Variants in RAB11FIP4 observed in about 807,000 individuals in gnomAD.
RAB11FIP4 encodes the protein rab11 family-interacting protein 4.
A neutral mutation model predicts 74.3 loss-of-function variants in RAB11FIP4; 23 were observed. The observed-to-expected ratio is 0.31, with a 90% CI of 0.22 to 0.44. RAB11FIP4 has a LOEUF of 0.44. Among genes scored for constraint, RAB11FIP4 ranks in the 20% least tolerant of loss-of-function variants. RAB11FIP4 has a pLI of 1.00. For synonymous variants in RAB11FIP4, 360 were observed against 359.9 expected, an observed-to-expected ratio of 1.00 and a Z score of 0.00; for missense variants, 630 against 863.9, an observed-to-expected ratio of 0.73 and a Z score of 3.39.
intron 3 of RAB11FIP4, among the ~76,000 whole-genome samples, chr17:31,505,683 A>G (rs1359975788): frequency 1.5e-5 from 1 of 68,362 alleles, no homozygotes; most frequent in Non-Finnish European, 2.8e-5. Context: ...TAATTATTAT[A>G]ATATATAATA....
chr17:31,497,784 G>A (rs1278966030), intron 3 of RAB11FIP4, among the ~76,000 whole-genome samples: 1 of 152,154 alleles, frequency 6.6e-6, no homozygotes, highest in African/African-American at 2.4e-5. Context: ...GTGCGCTGCT[G>A]GCTAGAGGGA....
Position 31,517,823 on chromosome 17 carries a change from G to A in RAB11FIP4, c.509G>A (p.Gly170Glu). 6.4e-7 allele frequency: 1 copy of A among 1,552,294 alleles called. No homozygotes were observed. The highest frequency in any genetic ancestry group is 8.7e-7 in the Non-Finnish European group (1 of 1,147,342). The change falls in exon 4 of 15, where the codon GGG (glycine) becomes GAG (glutamate). Residue 170 changes from glycine (G) to glutamate (E), a missense_variant. Transcript: ENST00000621161. Reference protein sequence around the residue: ...ESTQSLEGSVGSPAEKDGGLG... With the variant: ...ESTQSLEGSVESPAEKDGGLG... ...ACTCAGAGCCTGGAGGGGTCTGTCG[G>A]GAGTCCTGCCGAGAAGGACGGGGGA...
chr17:31,494,854 T>C (rs1567675944), intron 3 of RAB11FIP4, among the ~76,000 whole-genome samples: 1 of 152,172 alleles, frequency 6.6e-6, no homozygotes, highest in Non-Finnish European at 1.5e-5. Flanking sequence ...GACTAGCATT[T>C]GTGTGGCAGT....
rs570879332 is a variant in RAB11FIP4 at position 31,433,050 on chromosome 17, G to A, written c.248-984G>A. Among the ~76,000 whole-genome samples, 13 of 152,280 alleles carry A rather than the reference G, an allele frequency of 8.5e-5. No homozygotes were observed. The South Asian group carries it at 2.5e-3, about 29-fold the overall frequency. On this transcript the variant is annotated intron_variant, in intron 2 of 14. Coordinates refer to ENST00000621161, the MANE Select transcript of RAB11FIP4 (RefSeq NM_032932.6). ...GGTCCCAGCTACCTGGGAGGCTAAG[G>A]TGGGAGGATCACCTGAGCCCAGGAA...
In RAB11FIP4 at chr17:31,537,948, C is replaced by T. The variant is rs563640794; in HGVS notation, c.*6216C>T. 139 of 152,776 alleles carry T rather than the reference C, an allele frequency of 9.1e-4. 1 individual carries two copies. The highest frequency in any genetic ancestry group is 3.8e-4 in the Non-Finnish European group (26 of 68,128). The allele number at this position is 152,776 out of a possible 1,614,324, so 9.5% of individuals were successfully genotyped here. On this transcript the variant is annotated 3_prime_UTR_variant, in exon 15 of 15. Transcript: ENST00000621161. Reference sequence around the variant, plus strand: ...TCATGCCCAAGGGTTTGTTAGATGGCCTCTGACTCTGTGGGATTCAACTTG... The same window carrying T: ...TCATGCCCAAGGGTTTGTTAGATGGTCTCTGACTCTGTGGGATTCAACTTG...
chr17:31,521,646 CCT>C (rs1230783248), intron 5 of RAB11FIP4, among the ~76,000 whole-genome samples: 1 of 152,054 alleles, frequency 6.6e-6, no homozygotes, highest in Non-Finnish European at 1.5e-5. Flanking sequence ...CCAAGTGACC[CCT>C]GTGATCCCTT....
chr17:31,489,759 G>T (rs1278702232), intron 3 of RAB11FIP4, among the ~76,000 whole-genome samples: 1 of 152,154 alleles, frequency 6.6e-6, no homozygotes, highest in Non-Finnish European at 1.5e-5. Flanking sequence ...GGTGAGGGAA[G>T]CCGCTAGGGT....
intron 3 of RAB11FIP4, among the ~76,000 whole-genome samples, chr17:31,487,726 G>T (rs1301565877): frequency 6.6e-6 from 1 of 152,080 alleles, no homozygotes; most frequent in East Asian, 1.9e-4. Context: ...GGCGCAGAAC[G>T]GGCAAGAGAC....
chr17:31,483,843 CAT>C (rs977643368), intron 3 of RAB11FIP4, among the ~76,000 whole-genome samples: 12 of 152,228 alleles, frequency 7.9e-5, no homozygotes, highest in East Asian at 5.8e-4. Context: ...TGGCCCCAAA[CAT>C]GTGCAGAATG....
chr17:31,513,930 A>G lies in RAB11FIP4; in HGVS notation c.337-3721A>G, dbSNP rs114893569. ...GAGCCTCATCTTCCCCAGGTGTCAG[A>G]CGGAGCTGATGAATCCCAGATCTCT... On this transcript the variant is annotated intron_variant, in intron 3 of 14. Coordinates refer to ENST00000621161, the MANE Select transcript of RAB11FIP4 (RefSeq NM_032932.6). Among the ~76,000 whole-genome samples, 581 of 152,278 alleles carry G rather than the reference A, an allele frequency of 3.8e-3. 2 individuals carry two copies. Among genetic ancestry groups the G allele is most frequent in the African/African-American group, 0.013 (540 of 41,562 alleles).
chr17:31,458,073 C>G (rs976344754), intron 3 of RAB11FIP4, among the ~76,000 whole-genome samples: 1 of 152,238 alleles, frequency 6.6e-6, no homozygotes, highest in Non-Finnish European at 1.5e-5. Context: ...CTGTGGTACC[C>G]ATTTCGCTGA....
chr17:31,392,060 C>CCCCCCCCCCCCCCCCCCA, intron 1 of RAB11FIP4, 49 bp downstream of exon 1: 1 of 1,172,992 alleles, frequency 8.5e-7, no homozygotes. Flanking sequence ...AGCCCAGCCC[C>CCCCCCCCCCCCCCCCCCA]GCCGCCCCTC....
At chr17:31,393,831 C>G (rs767481259) in intron 1 of RAB11FIP4, among the ~76,000 whole-genome samples, 4 of 152,108 alleles carry the variant, frequency 2.6e-5, no homozygotes, top group Admixed American at 2.0e-4. Flanking sequence ...GAGCTGCCAT[C>G]GACTAATTCT....
At chr17:31,507,411 A>G (rs1196604874) in intron 3 of RAB11FIP4, among the ~76,000 whole-genome samples, 5 of 152,152 alleles carry the variant, frequency 3.3e-5, no homozygotes, top group African/African-American at 1.2e-4. Flanking sequence ...GTGGTATCTC[A>G]TTGTGGTTTT....
intron 3 of RAB11FIP4, among the ~76,000 whole-genome samples, chr17:31,436,810 C>A (rs368969624): frequency 7.0e-6 from 1 of 143,514 alleles, no homozygotes; most frequent in South Asian, 2.2e-4. Flanking sequence ...TTTTTTGAGA[C>A]GGCATCTTGC....
intron 1 of RAB11FIP4, among the ~76,000 whole-genome samples, chr17:31,405,562 G>A (rs1439894118): frequency 1.3e-5 from 2 of 152,082 alleles, no homozygotes; most frequent in Non-Finnish European, 2.9e-5. Flanking sequence ...TAGTAGAGAC[G>A]GGGTTTCACT....
intron 3 of RAB11FIP4, among the ~76,000 whole-genome samples, chr17:31,437,833 G>A (rs994272877): frequency 2.0e-5 from 3 of 152,096 alleles, no homozygotes; most frequent in African/African-American, 7.2e-5. Flanking sequence ...ATCAAGCAGG[G>A]GCCCCTGGGG....
chr17:31,426,384 A>G (rs1405441937), intron 1 of RAB11FIP4, among the ~76,000 whole-genome samples: 2 of 152,160 alleles, frequency 1.3e-5, no homozygotes, highest in African/African-American at 4.8e-5. Context: ...GGGGACTATA[A>G]TAATAGCTAC....
At chr17:31,530,304 G>T (rs750757550) in intron 13 of RAB11FIP4, 22 bp from the exon 14 acceptor site, 2 of 1,611,708 alleles carry the variant, frequency 1.2e-6, no homozygotes, top group East Asian at 4.5e-5. Context: ...GGTTGATGTC[G>T]CCTTCGTCCT....
Sources: gnomAD v4.1 joint callset for allele counts (sites outside exome capture counted in the v4.1 genomes callset) on GRCh38, gnomAD v4.1.1 for gene constraint, MANE v1.5 for transcripts, NCBI Gene and HGNC (gene_info 2026-07-23, HGNC 2026-07-21) for gene names.